The following LRBA variants were observed in gnomAD, a reference collection of about 807,000 sequenced individuals.
LRBA encodes the protein lipopolysaccharide-responsive and beige-like anchor protein.
A neutral mutation model predicts 330.0 loss-of-function variants in LRBA; 176 were observed. The observed-to-expected ratio is 0.53, with a 90% CI of 0.47 to 0.60. The LOEUF (loss-of-function observed/expected upper bound fraction) is 0.60, where lower values mean the gene tolerates loss of function less well. LRBA is among the 20% of genes least tolerant of loss of function. The pLI is 0.00. For missense variants in LRBA, 3,259 were observed against 3,444.8 expected, an observed-to-expected ratio of 0.95 and a Z score of 1.35; for synonymous variants, 1,230 against 1,193.0, an observed-to-expected ratio of 1.03 and a Z score of -0.64.
At position 150,436,861 on chromosome 4, in the gene LRBA, T is replaced by A. The variant is rs750883073; in HGVS notation, c.6784A>T (p.Ile2262Leu). ...GCTCTTTTTGGGTTCAGAGCTCCTA[T>A]TGGCTGCCAATAGGGAGGGAAAAAA... ...PTNFRDLSKP[I>L]GALNPKRAAF... Residue 2262 changes from isoleucine (I) to leucine (L), a missense_variant, in exon 45 of 57, where the codon ATA becomes TTA. Transcript: ENST00000651943. The A allele has an allele frequency of 3.1e-6, 5 of 1,613,426 alleles. No individual in the cohort carries two copies. Among genetic ancestry groups the A allele is most frequent in the Admixed American group, 3.3e-5 (2 of 59,890 alleles).
rs1342280550 is a variant in LRBA at position 150,325,562 on chromosome 4, C to T, written c.7452+247G>A. On this transcript the variant is annotated intron_variant, in intron 49 of 56. Transcript: ENST00000651943. Reference sequence around the variant, plus strand: ...AGTGAGGATTCATGACAATTATGGACCTTTCAATTCTGTAACACAAGACAC... The same window carrying T: ...AGTGAGGATTCATGACAATTATGGATCTTTCAATTCTGTAACACAAGACAC... Among the ~76,000 whole-genome samples the T allele has an allele frequency of 4.6e-5, 7 of 152,228 alleles. No homozygotes were observed. In the East Asian group the frequency reaches 1.4e-3, roughly 29 times the overall value.
intron 33 of LRBA, among the ~76,000 whole-genome samples, chr4:150,800,551 A>G (rs1346990319): frequency 6.6e-6 from 1 of 152,234 alleles, no homozygotes; most frequent in African/African-American, 2.4e-5. Flanking sequence ...ATAAACCTGT[A>G]AATCTCTCTT....
intron 35 of LRBA, among the ~76,000 whole-genome samples, chr4:150,758,023 A>T (rs1734548663): frequency 6.6e-6 from 1 of 152,240 alleles, no homozygotes; most frequent in Non-Finnish European, 1.5e-5. Context: ...TAAATTATTC[A>T]AACAACTGTT....
At chr4:150,676,593 G>C (rs980757708) in intron 37 of LRBA, among the ~76,000 whole-genome samples, 1 of 152,116 alleles carries the variant, frequency 6.6e-6, no homozygotes, top group African/African-American at 2.4e-5. Context: ...AAACTTCAAG[G>C]CTGGGCTAAA....
intron 40 of LRBA, among the ~76,000 whole-genome samples, chr4:150,554,470 T>G (rs563420205): frequency 2.0e-5 from 3 of 152,190 alleles, no homozygotes; most frequent in African/African-American, 7.2e-5. Context: ...AAGGAATATC[T>G]GTTATTTTGC....
rs1376140124 is a variant in LRBA, at chr4:150,735,267, C to T, written c.5745G>A (p.Ala1915=). The change falls in exon 36 of 57, where the codon GCG becomes GCA. Residue 1915 remains alanine (A), a synonymous_variant. Transcript: ENST00000651943. ...CATATGTGTAACCTACCTCAAATTC[C>T]GCATGTCTGTGAATATCTTCTGCTC... is the stretch of plus-strand genomic sequence containing the variant. The part of the protein sequence containing the change: ...RQRAEDIHRH[A]EFESLCAQYS... 3.1e-6 allele frequency: 5 copies of T among 1,612,310 alleles called. No homozygotes were observed. The highest frequency in any genetic ancestry group is 1.1e-5 in the South Asian group (1 of 91,000).
At chr4:150,628,728 T>C (rs1014199784) in intron 37 of LRBA, among the ~76,000 whole-genome samples, 1 of 152,246 alleles carries the variant, frequency 6.6e-6, no homozygotes, top group African/African-American at 2.4e-5. Flanking sequence ...GTTACTTCCA[T>C]TGAACATAAG....
chr4:150,405,489 G>A (rs1746070044), intron 47 of LRBA, among the ~76,000 whole-genome samples: 1 of 152,140 alleles, frequency 6.6e-6, no homozygotes, highest in Non-Finnish European at 1.5e-5. Context: ...CTGAGTACCT[G>A]ATGCACTCTT....
At chr4:150,827,386 T>C (rs1229948528) in intron 30 of LRBA, among the ~76,000 whole-genome samples, 1 of 152,092 alleles carries the variant, frequency 6.6e-6, no homozygotes, top group African/African-American at 2.4e-5. Flanking sequence ...TGCATTTCTG[T>C]AAATTTACAC....
At chr4:150,414,466 T>C (rs1176167150) in intron 47 of LRBA, among the ~76,000 whole-genome samples, 2 of 152,038 alleles carry the variant, frequency 1.3e-5, no homozygotes, top group Non-Finnish European at 2.9e-5. Context: ...GTGGTAAACA[T>C]TCTACTTTTA....
intron 37 of LRBA, among the ~76,000 whole-genome samples, chr4:150,603,418 A>G (rs1198756808): frequency 6.6e-6 from 1 of 152,194 alleles, no homozygotes; most frequent in Non-Finnish European, 1.5e-5. Flanking sequence ...ATGTGTTTGT[A>G]TACACACACC....
intron 50 of LRBA, among the ~76,000 whole-genome samples, chr4:150,316,406 G>A (rs1240692281): frequency 6.6e-6 from 1 of 152,142 alleles, no homozygotes; most frequent in Non-Finnish European, 1.5e-5. Flanking sequence ...CTGAAAGGGA[G>A]AAGGACTTTC....
chr4:150,868,031 TTAAC>T (rs1486521755), intron 21 of LRBA, 147 bp downstream of exon 21: 2 of 919,610 alleles, frequency 2.2e-6, no homozygotes, highest in South Asian at 2.0e-5. Context: ...AAATTCTAAC[TTAAC>T]TATGTGGTAC....
chr4:150,775,384 A>G (rs1737134488), intron 34 of LRBA, among the ~76,000 whole-genome samples: 1 of 151,936 alleles, frequency 6.6e-6, no homozygotes, highest in African/African-American at 2.4e-5. Flanking sequence ...AACAGTGACC[A>G]GTACATATGA....
intron 40 of LRBA, among the ~76,000 whole-genome samples, chr4:150,552,025 T>G (rs531095053): frequency 1.3e-5 from 2 of 152,060 alleles, no homozygotes; most frequent in Non-Finnish European, 2.9e-5. Context: ...TAGAGTCTCA[T>G]AAGGAGCACG....
intron 22 of LRBA, among the ~76,000 whole-genome samples, chr4:150,859,442 G>A (rs1314784094): frequency 6.6e-6 from 1 of 151,862 alleles, no homozygotes; most frequent in African/African-American, 2.4e-5. Context: ...TATTACTTAA[G>A]CACAGAAAAA....
At chr4:150,724,173 T>C (rs1415575636) in intron 36 of LRBA, among the ~76,000 whole-genome samples, 1 of 152,184 alleles carries the variant, frequency 6.6e-6, no homozygotes, top group African/African-American at 2.4e-5. Flanking sequence ...CCTAGTGCTG[T>C]GCAGGTTTCA....
At chr4:150,614,831 C>T (rs763488418) in intron 37 of LRBA, among the ~76,000 whole-genome samples, 2 of 152,218 alleles carry the variant, frequency 1.3e-5, no homozygotes, top group Non-Finnish European at 2.9e-5. Context: ...AATGTGTTCC[C>T]TGGCTGGGTA....
At chr4:150,830,751 G>C (rs1424734939) in intron 29 of LRBA, among the ~76,000 whole-genome samples, 2 of 142,704 alleles carry the variant, frequency 1.4e-5, no homozygotes, top group Non-Finnish European at 3.0e-5. Context: ...ACAGAATACA[G>C]AGTTACTTTT....
Sources: gnomAD v4.1 joint callset for allele counts (sites outside exome capture counted in the v4.1 genomes callset) on GRCh38, gnomAD v4.1.1 for gene constraint, MANE v1.5 for transcripts, NCBI Gene and HGNC (gene_info 2026-07-23, HGNC 2026-07-21) for gene names.